SHANK1: variants seen among roughly 807,000 people sequenced by gnomAD.
SHANK1 encodes the protein SH3 and multiple ankyrin repeat domains 1.
In SHANK1, 35 loss-of-function variants were observed where a neutral mutation model predicts 165.6. That is an observed-to-expected ratio of 0.21 (90% CI 0.16 to 0.28). The LOEUF is 0.28. Among genes scored for constraint, SHANK1 ranks in the 10% least tolerant of loss-of-function variants. The probability of loss-of-function intolerance (pLI) is 1.00; values close to 1 mark genes in which losing one functional copy is unlikely to be tolerated. For missense variants in SHANK1, 2,681 were observed against 3,036.4 expected (o/e 0.88, Z 2.75); for synonymous variants, 1,428 against 1,384.8 (o/e 1.03, Z -0.69).
chr19:50,719,070 C>T (rs1270686947), intron 1 of SHANK1, among the ~76,000 whole-genome samples: 2 of 89,708 alleles, frequency 2.2e-5, no homozygotes, highest in Admixed American at 1.3e-4. Context: ...GAGGGCGAGG[C>T]GGGGGAGTGG....
At position 50,713,782 on chromosome 19, in the gene SHANK1, G is replaced by T. The variant is rs775859815; in HGVS notation, c.792+16C>A. 4 of 1,610,812 alleles carry T rather than the reference G, an allele frequency of 2.5e-6. No homozygotes were observed. The highest frequency in any genetic ancestry group is 1.1e-5 in the South Asian group (1 of 90,982). On this transcript the variant is annotated intron_variant, in intron 6 of 23. Transcript: ENST00000293441. The surrounding 1 kb of genome is among the most constrained non-coding windows in gnomAD (Gnocchi z 6.2). ...GAGGGCCCCATGGCGGGGATGGGGG[G>T]TCCCCGAAGCCTCACCGTGAGTGCC...
At chr19:50,678,780 G>A (rs1379552821) in intron 21 of SHANK1, among the ~76,000 whole-genome samples, 1 of 64,908 alleles carries the variant, frequency 1.5e-5, no homozygotes, top group Non-Finnish European at 2.9e-5. Context: ...TGATGGGGAG[G>A]GGTCAGGGTG....
chr19:50,686,277 G>A lies in SHANK1; in HGVS notation c.2537C>T (p.Ser846Phe). 1.2e-6 allele frequency: 2 copies of A among 1,607,756 alleles called. No individual in the cohort carries two copies. The highest frequency in any genetic ancestry group is 1.1e-5 in the South Asian group (1 of 90,076). Residue 846 changes from serine (S) to phenylalanine (F), a missense_variant, in exon 21 of 24, where the codon TCC becomes TTC. Around this residue, in one of 10 missense-constraint regions of SHANK1, gnomAD observed 206 missense variants for 216.0 expected, o/e 0.95. Coordinates refer to ENST00000293441, the MANE Select transcript of SHANK1 (RefSeq NM_016148.5). This position sits in a 1 kb window ranked among gnomAD's most constrained non-coding sequence, Gnocchi z 5.7. ...SESPGPGGLA[S>F]LGKHRPKGFF... ...ACCTTTGGGTCGGTGTTTGCCCAGGGACGCGAGGCCACCGGGACCAGGGCT... is the reference window on the plus strand; with the variant it reads ...ACCTTTGGGTCGGTGTTTGCCCAGGAACGCGAGGCCACCGGGACCAGGGCT...
At chr19:50,683,981 G>A (rs1425482029) in intron 21 of SHANK1, among the ~76,000 whole-genome samples, 1 of 152,196 alleles carries the variant, frequency 6.6e-6, no homozygotes, top group Non-Finnish European at 1.5e-5. Context: ...AAGGTCTCAG[G>A]CAAGTGAATG....
chr19:50,692,981 T>C (rs1412734881), intron 15 of SHANK1, among the ~76,000 whole-genome samples: 1 of 149,368 alleles, frequency 6.7e-6, no homozygotes, highest in Non-Finnish European at 1.5e-5. Flanking sequence ...GGCCTCACCC[T>C]TCCCACACCC....
chr19:50,681,530 G>C (rs901753262), intron 21 of SHANK1, among the ~76,000 whole-genome samples: 1 of 152,144 alleles, frequency 6.6e-6, no homozygotes, highest in Non-Finnish European at 1.5e-5. Context: ...TTAGGCTCTT[G>C]ACTGTCCTGT....
intron 22 of SHANK1, among the ~76,000 whole-genome samples, chr19:50,669,541 C>A (rs552888896): frequency 1.0e-3 from 158 of 152,232 alleles, no homozygotes; most frequent in African/African-American, 3.7e-3. Context: ...AACTTCCTCC[C>A]CACGCCAGGA....
Position 50,666,345 on chromosome 19 carries a change from C to T in SHANK1, c.5615G>A (p.Ser1872Asn). The change falls in exon 23 of 24, where the codon AGT (serine) becomes AAT (asparagine). Residue 1872 changes from serine to asparagine, a missense_variant. Around this residue, in one of 10 missense-constraint regions of SHANK1, gnomAD observed 1,713 missense variants for 1,630.2 expected, o/e 1.05. Coordinates refer to ENST00000293441, the MANE Select transcript of SHANK1 (RefSeq NM_016148.5). ...ALATVKASIISELSSKLQQFG... is the reference protein window; with the variant it reads ...ALATVKASIINELSSKLQQFG... ...CTGCTGAAGCTTGGAGCTGAGTTCA[C>T]TGATGATGCTGGCTTTTACTGTGGC... The T allele has an allele frequency of 6.2e-7, 1 of 1,613,888 alleles. No individual in the cohort carries two copies. The highest frequency in any genetic ancestry group is 1.1e-5 in the South Asian group (1 of 91,078).
intron 19 of SHANK1, chr19:50,687,104 C>CTT (rs1986370183): frequency 8.2e-7 from 1 of 1,213,378 alleles, no homozygotes; most frequent in African/African-American, 1.6e-5. Context: ...GTGAGGGGCC[C>CTT]CCTGTCTGGA....
In SHANK1 at chr19:50,667,993, C is replaced by T. The variant is rs1467294612; in HGVS notation, c.3967G>A (p.Gly1323Ser). ...YGAGSRAYGG[G>S]GGSSAFTSFL... ...CTGGTGAAGGCGCTGCTGCCCCCGCCACCCCCGTAGGCTCGGCTACCGGCC... is the reference window on the plus strand; with the variant it reads ...CTGGTGAAGGCGCTGCTGCCCCCGCTACCCCCGTAGGCTCGGCTACCGGCC... The change falls in exon 23 of 24, where the codon GGC becomes AGC. Residue 1323 changes from glycine (G) to serine (S), a missense_variant. Coordinates refer to ENST00000293441, the MANE Select transcript of SHANK1 (RefSeq NM_016148.5). The surrounding 1 kb of genome is among the most constrained non-coding windows in gnomAD (Gnocchi z 5.7). 4 of 1,463,118 alleles carry T rather than the reference C, an allele frequency of 2.7e-6. No individual in the cohort carries two copies. Among genetic ancestry groups the T allele is most frequent in the Non-Finnish European group, 3.6e-6 (4 of 1,112,856 alleles). 90.6% of individuals were successfully genotyped at this position (1,463,118 alleles called of 1,614,324 possible).
At position 50,686,435 on chromosome 19, in the gene SHANK1, G is replaced by T; in HGVS notation, c.2459-80C>A. The stretch of plus-strand genomic sequence containing the variant: ...GACCCGGGCCGCAAAGACCAGAGCT[G>T]CCGCCCGCAGTTCATCCAGCACCTG... On this transcript the variant is annotated intron_variant, in intron 20 of 23. Coordinates refer to ENST00000293441, the MANE Select transcript of SHANK1 (RefSeq NM_016148.5). This position sits in a 1 kb window ranked among gnomAD's most constrained non-coding sequence, Gnocchi z 5.7. 9.7e-7 allele frequency: 1 copy of T among 1,032,680 alleles called. No individual in the cohort carries two copies. 64.0% of individuals were successfully genotyped at this position (1,032,680 alleles called of 1,614,324 possible).
At position 50,666,244 on chromosome 19, in the gene SHANK1, G is replaced by T; in HGVS notation, c.5716C>A (p.His1906Asn). 6.2e-7 allele frequency: 1 copy of T among 1,609,830 alleles called. No homozygotes were observed. Among genetic ancestry groups the T allele is most frequent in the South Asian group, 1.1e-5 (1 of 90,338 alleles). ...GGSGGGGDSH[H>N]GGASYVPERT... ...TCGGGGACATAGCTGGCTCCCCCGT[G>T]GTGGCTGTCTCCGCCTCCCCCACTG... The change falls in exon 23 of 24, where the codon CAC (histidine) becomes AAC (asparagine). Residue 1906 changes from histidine to asparagine, a missense_variant. By Grantham distance (68) the His-to-Asn change is moderately conservative. Around this residue, in one of 10 missense-constraint regions of SHANK1, gnomAD observed 1,713 missense variants for 1,630.2 expected, o/e 1.05. Coordinates refer to ENST00000293441, the MANE Select transcript of SHANK1 (RefSeq NM_016148.5).
chr19:50,685,046 T>A lies in SHANK1; in HGVS notation c.2577+1191A>T, dbSNP rs551545320. Among the ~76,000 whole-genome samples the A allele has an allele frequency of 2.0e-5, 3 of 151,938 alleles. No individual in the cohort carries two copies. In the South Asian group the frequency reaches 6.2e-4, roughly 32 times the overall value. On this transcript the variant is annotated intron_variant, in intron 21 of 23. Coordinates refer to ENST00000293441, the MANE Select transcript of SHANK1 (RefSeq NM_016148.5). ...AAAGCCAAAGGACCCAGTTTTAGAG[T>A]AAATGGACCCCTGACCACTACGTGG...
At chr19:50,695,810 GA>G (rs1371384610) in intron 15 of SHANK1, among the ~76,000 whole-genome samples, 1 of 151,934 alleles carries the variant, frequency 6.6e-6, no homozygotes, top group Non-Finnish European at 1.5e-5. Context: ...CCCCACCAGA[GA>G]AGCCCAGGCG....
chr19:50,692,190 C>A (rs1250434502), intron 15 of SHANK1, among the ~76,000 whole-genome samples: 2 of 152,072 alleles, frequency 1.3e-5, no homozygotes, highest in African/African-American at 4.8e-5. Flanking sequence ...GGCCCTGCAG[C>A]ACCTGGAGTT....
Position 50,660,613 on chromosome 19 carries a change from G to C in SHANK1, c.*1352C>G, listed in dbSNP as rs1017139426. Among the ~76,000 whole-genome samples, 11 of 151,156 alleles carry C rather than the reference G, an allele frequency of 7.3e-5. No individual in the cohort carries two copies. Among genetic ancestry groups the C allele is most frequent in the African/African-American group, 2.7e-4 (11 of 41,006 alleles). The stretch of plus-strand genomic sequence containing the variant: ...AGTGTGCAAAAGGAAAGAAGTGGTA[G>C]AGCTCTCATCCAGGTAGAAAAGACA... On this transcript the variant is annotated 3_prime_UTR_variant, in exon 24 of 24. Coordinates refer to ENST00000293441, the MANE Select transcript of SHANK1 (RefSeq NM_016148.5).
Position 50,686,454 on chromosome 19 carries a change from G to C in SHANK1, c.2459-99C>G, listed in dbSNP as rs528266296. Reference sequence around the variant, plus strand: ...AGAGCTGCCGCCCGCAGTTCATCCAGCACCTGGATCAACCAGGAAAGGGCA... The same window carrying C: ...AGAGCTGCCGCCCGCAGTTCATCCACCACCTGGATCAACCAGGAAAGGGCA... On this transcript the variant is annotated intron_variant, in intron 20 of 23. Transcript: ENST00000293441. The surrounding 1 kb of genome is among the most constrained non-coding windows in gnomAD (Gnocchi z 5.7). The C allele has an allele frequency of 6.7e-6, 6 of 901,558 alleles. No homozygotes were observed. The highest frequency in any genetic ancestry group is 1.0e-5 in the Non-Finnish European group (6 of 577,702). 55.8% of individuals were successfully genotyped at this position (901,558 alleles called of 1,614,324 possible).
In SHANK1 at chr19:50,697,505, A is replaced by C; in HGVS notation, c.1937+84T>G. ...AAGGAACAGATTAGAAAGGGGGCTTAGAGGTGATGGAAATATTTAAAGGTG... is the reference window on the plus strand; with the variant it reads ...AAGGAACAGATTAGAAAGGGGGCTTCGAGGTGATGGAAATATTTAAAGGTG... On this transcript the variant is annotated intron_variant, in intron 14 of 23. Coordinates refer to ENST00000293441, the MANE Select transcript of SHANK1 (RefSeq NM_016148.5). This position sits in a 1 kb window ranked among gnomAD's most constrained non-coding sequence, Gnocchi z 4.7. 9.5e-7 allele frequency: 1 copy of C among 1,057,890 alleles called. No homozygotes were observed. The highest frequency in any genetic ancestry group is 1.5e-6 in the Non-Finnish European group (1 of 673,532). The allele number at this position is 1,057,890 out of a possible 1,614,324, so 65.5% of individuals were successfully genotyped here.
Position 50,667,823 on chromosome 19 carries a change from C to T in SHANK1, c.4137G>A (p.Arg1379=), listed in dbSNP as rs1985605409. The T allele has an allele frequency of 2.3e-6, 3 of 1,298,522 alleles. No individual in the cohort carries two copies. In the African/African-American group the frequency reaches 4.7e-5, roughly 20 times the overall value. 80.4% of individuals were successfully genotyped at this position (1,298,522 alleles called of 1,614,324 possible). A position where few individuals can be genotyped will look rare whatever the true frequency, so the allele number is the denominator to read the frequency against. ...GGGCCTCGTAGCGGGGCGATGGGGG[C>T]CTGGGAGGCGGCTGGGGGGCCCCGC... ...EGGGAPQPPP[R]PPSPRYEAPP... Residue 1379 remains arginine, a synonymous_variant, in exon 23 of 24, where the codon AGG becomes AGA. Coordinates refer to ENST00000293441, the MANE Select transcript of SHANK1 (RefSeq NM_016148.5). This position sits in a 1 kb window ranked among gnomAD's most constrained non-coding sequence, Gnocchi z 5.7.
Sources: allele counts gnomAD v4.1 joint callset (sites outside exome capture counted in the v4.1 genomes callset), GRCh38; gene constraint gnomAD v4.1.1; regional missense constraint gnomAD v4.1.1; non-coding constraint Gnocchi (gnomAD v3.1); transcripts MANE v1.5; gene names NCBI Gene and HGNC (gene_info 2026-07-23, HGNC 2026-07-21).